Variants in MKRN1 observed in about 807,000 individuals in gnomAD.
MKRN1 encodes the protein E3 ubiquitin-protein ligase makorin-1.
MKRN1 carries 9 observed loss-of-function variants against 55.5 expected under a neutral mutation model. The observed-to-expected ratio is 0.16, with a 90% CI of 0.10 to 0.28. MKRN1 has a LOEUF of 0.28. Ranked by LOEUF, MKRN1 falls within the 10% of genes least tolerant of loss-of-function variation. MKRN1 has a pLI of 1.00. For synonymous variants in MKRN1, 253 were observed against 235.9 expected, an observed-to-expected ratio of 1.07 and a Z score of -0.66; for missense variants, 488 against 626.7, an observed-to-expected ratio of 0.78 and a Z score of 2.36.
chr7:140,473,227 A>AC (rs58539466), intron 1 of MKRN1: 3 of 429,970 alleles, frequency 7.0e-6, no homozygotes, highest in African/African-American at 4.2e-5. Flanking sequence ...AAAAAAAAAA[A>AC]CATCATCCAG....
intron 2 of MKRN1, among the ~76,000 whole-genome samples, chr7:140,466,324 T>C (rs1354972568): frequency 6.6e-6 from 1 of 152,140 alleles, no homozygotes; most frequent in Non-Finnish European, 1.5e-5. Context: ...TTCTGGCTCA[T>C]CCTCTAAAGA....
chr7:140,463,550 G>C (rs1794680018), intron 2 of MKRN1, among the ~76,000 whole-genome samples: 1 of 152,200 alleles, frequency 6.6e-6, no homozygotes. Flanking sequence ...AGTTCTACTG[G>C]ATGGCAGTAT....
rs77824866 is a variant in MKRN1 at position 140,462,296 on chromosome 7, T to C, written c.315-2360A>G. Among the ~76,000 whole-genome samples, 1,509 of 152,294 alleles carry C rather than the reference T, an allele frequency of 9.9e-3. 25 individuals are homozygous for C. Among genetic ancestry groups the C allele is most frequent in the African/African-American group, 0.033 (1,376 of 41,556 alleles). On this transcript the variant is annotated intron_variant, in intron 2 of 7. Transcript: ENST00000255977. ...CTCCTGCCTTAGCCTCCCAAAGTGA[T>C]AGGCATGAGCCACCGTGCTCGGCAC...
intron 2 of MKRN1, 119 bp from the exon 3 acceptor site, chr7:140,460,055 C>G: frequency 1.2e-6 from 1 of 862,382 alleles, no homozygotes; most frequent in Non-Finnish European, 1.8e-6. Context: ...TCGAGACCAG[C>G]CTGGCCAATG....
At chr7:140,472,316 C>T (rs988447166) in intron 1 of MKRN1, 9 of 306,642 alleles carry the variant, frequency 2.9e-5, no homozygotes, top group African/African-American at 1.5e-4. Context: ...CATGTTAATC[C>T]CAGCTACTCA....
chr7:140,458,294 G>T (rs970874699), intron 4 of MKRN1, among the ~76,000 whole-genome samples: 1 of 152,182 alleles, frequency 6.6e-6, no homozygotes, highest in Non-Finnish European at 1.5e-5. Context: ...AACAAATGTG[G>T]TCTAGCCATA....
At position 140,454,403 on chromosome 7, in the gene MKRN1, C is replaced by A. The variant is rs1376460336; in HGVS notation, c.*114G>T. 2.5e-5 allele frequency: 25 copies of A among 990,270 alleles called. No homozygotes were observed. The highest frequency in any genetic ancestry group is 3.8e-5 in the Non-Finnish European group (25 of 649,480). 61.3% of individuals were successfully genotyped at this position (990,270 alleles called of 1,614,324 possible). A position where few individuals can be genotyped will look rare whatever the true frequency, so the allele number is the denominator to read the frequency against. On this transcript the variant is annotated 3_prime_UTR_variant, in exon 8 of 8. Transcript: ENST00000255977. ...AGGCCCTGGGTAAAAATTCTTAGGACAGCACCTGGAGTTGAGAGGCCTGCC... is the reference window on the plus strand; with the variant it reads ...AGGCCCTGGGTAAAAATTCTTAGGAAAGCACCTGGAGTTGAGAGGCCTGCC...
At chr7:140,454,803 AC>A (rs970685518) in intron 7 of MKRN1, 74 bp from the exon 8 acceptor site, 1 of 1,454,172 alleles carries the variant, frequency 6.9e-7, no homozygotes, top group African/African-American at 1.4e-5. Flanking sequence ...ATAAGGCAAA[AC>A]GTCCAGCACA....
At chr7:140,468,219 A>T (rs552392475) in intron 2 of MKRN1, among the ~76,000 whole-genome samples, 1 of 151,120 alleles carries the variant, frequency 6.6e-6, no homozygotes, top group Non-Finnish European at 1.5e-5. Context: ...TCAATATTCA[A>T]CTCCTCCTGC....
At chr7:140,478,583 C>A (rs1172205066) in intron 1 of MKRN1, 1 of 152,200 alleles carries the variant, frequency 6.6e-6, no homozygotes, top group Non-Finnish European at 1.5e-5. Flanking sequence ...AGAAGAAATA[C>A]AAAAGCTTCT....
intron 2 of MKRN1, among the ~76,000 whole-genome samples, chr7:140,463,338 G>T (rs1794676207): frequency 6.6e-6 from 1 of 152,130 alleles, no homozygotes; most frequent in African/African-American, 2.4e-5. Context: ...AAGTGATGGG[G>T]TTCTAGGTCT....
chr7:140,454,840 C>T lies in MKRN1; in HGVS notation c.1237-111G>A. The T allele has an allele frequency of 4.2e-6, 5 of 1,201,236 alleles. No homozygotes were observed. In the South Asian group the frequency reaches 5.3e-5, roughly 13 times the overall value. The allele number at this position is 1,201,236 out of a possible 1,614,324, so 74.4% of individuals were successfully genotyped here. On this transcript the variant is annotated intron_variant, in intron 7 of 7. Coordinates refer to ENST00000255977, the MANE Select transcript of MKRN1 (RefSeq NM_013446.4). ...CCAGAGGGCATGACGAACCAGACTT[C>T]TTAGTTAGGGTTTCCATTTACCACT...
chr7:140,466,983 T>TTC (rs1325511296), intron 2 of MKRN1, among the ~76,000 whole-genome samples: 1 of 90,798 alleles, frequency 1.1e-5, no homozygotes, highest in East Asian at 3.0e-4. Context: ...CTTTTTCTTT[T>TTC]TTTTTTTTTT....
chr7:140,459,637 T>G, intron 3 of MKRN1, 70 bp downstream of exon 3: 1 of 1,470,512 alleles, frequency 6.8e-7, no homozygotes. Context: ...GGGAAAGTTG[T>G]CAAAACTAAG....
intron 2 of MKRN1, 27 bp from the exon 3 acceptor site, chr7:140,459,963 T>C: frequency 6.3e-7 from 1 of 1,590,612 alleles, no homozygotes; most frequent in Non-Finnish European, 8.6e-7. Context: ...AAGTAAGCAG[T>C]CGGCCAGTCG....
chr7:140,472,983 G>A (rs977893562), intron 1 of MKRN1, among the ~76,000 whole-genome samples: 2 of 151,500 alleles, frequency 1.3e-5, no homozygotes, highest in African/African-American at 2.4e-5. Flanking sequence ...CGGGCATGGT[G>A]GCAGGCACCT....
chr7:140,456,466 A>G (rs2130246119), intron 5 of MKRN1, 186 bp downstream of exon 5: 4 of 1,424,268 alleles, frequency 2.8e-6, no homozygotes, highest in South Asian at 3.0e-5. Context: ...CATTCAAATA[A>G]AAGTAGATAG....
At chr7:140,456,355 C>T in intron 5 of MKRN1, 2 of 1,268,836 alleles carry the variant, frequency 1.6e-6, no homozygotes, top group Non-Finnish European at 1.0e-6. Flanking sequence ...ACATTCAGAG[C>T]TAGATCAGTT....
At chr7:140,459,676 T>C in intron 3 of MKRN1, 31 bp downstream of exon 3, 1 of 1,596,640 alleles carries the variant, frequency 6.3e-7, no homozygotes, top group Non-Finnish European at 8.6e-7. Context: ...TCCAGCCCTC[T>C]AACTCTTATT....
Sources: gnomAD v4.1 joint callset for allele counts (sites outside exome capture counted in the v4.1 genomes callset) on GRCh38, gnomAD v4.1.1 for gene constraint, MANE v1.5 for transcripts, NCBI Gene and HGNC (gene_info 2026-07-23, HGNC 2026-07-21) for gene names.